The following HIPK2 variants were observed in gnomAD, a reference collection of about 807,000 sequenced individuals.
HIPK2 encodes homeodomain interacting protein kinase 2, also known as homeodomain-interacting protein kinase 2.
Under a neutral mutation model 113.7 loss-of-function variants are expected in HIPK2, and 27 were observed. The observed-to-expected ratio is 0.24, with a 90% confidence interval of 0.17 to 0.33. HIPK2 has a LOEUF of 0.33. HIPK2 is among the 10% of genes least tolerant of loss of function. The probability of loss-of-function intolerance (pLI) is 1.00; values close to 1 mark genes in which losing one functional copy is unlikely to be tolerated. For missense variants in HIPK2, 1,257 were observed against 1,588.0 expected (o/e 0.79, Z 3.54); for synonymous variants, 631 against 642.2 (o/e 0.98, Z 0.26).
chr7:139,619,891 G>T (rs1800177166), intron 7 of HIPK2, among the ~76,000 whole-genome samples: 1 of 152,118 alleles, frequency 6.6e-6, no homozygotes, highest in East Asian at 1.9e-4. Context: ...CTCCTGAGTA[G>T]CTGAGACTAT....
rs1232884782 is a variant in HIPK2 at position 139,564,641 on chromosome 7, G to C, written c.*8286C>G. 1 of 152,224 alleles carries C rather than the reference G, an allele frequency of 6.6e-6. No individual in the cohort carries two copies. Among genetic ancestry groups the C allele is most frequent in the East Asian group, 1.9e-4 (1 of 5,198 alleles). 9.4% of individuals were successfully genotyped at this position (152,224 alleles called of 1,614,324 possible). On this transcript the variant is annotated 3_prime_UTR_variant, in exon 15 of 15. Transcript: ENST00000406875. The stretch of plus-strand genomic sequence containing the variant: ...AGTGCGCATGCTGGACTACAGAAGA[G>C]TCTGGGACAACACACTTGCCTTGGG...
intron 2 of HIPK2, among the ~76,000 whole-genome samples, chr7:139,650,232 C>T (rs60232122): frequency 1.1e-4 from 16 of 151,190 alleles, no homozygotes; most frequent in Non-Finnish European, 1.8e-4. Context: ...AACCTGTAAT[C>T]TCAGCTACTT....
chr7:139,583,734 A>G, intron 13 of HIPK2, 83 bp downstream of exon 13: 5 of 1,548,808 alleles, frequency 3.2e-6, no homozygotes, highest in Non-Finnish European at 4.4e-6. Context: ...ACTAGCTCCC[A>G]TACAGCAACA....
chr7:139,605,672 G>C (rs1460993974), intron 9 of HIPK2, among the ~76,000 whole-genome samples: 1 of 152,150 alleles, frequency 6.6e-6, no homozygotes, highest in Non-Finnish European at 1.5e-5. Flanking sequence ...TTGCACCTGA[G>C]GCCCAGTGCA....
chr7:139,732,805 CATA>C (rs1317157005), intron 1 of HIPK2, among the ~76,000 whole-genome samples: 1 of 134,636 alleles, frequency 7.4e-6, no homozygotes, highest in Non-Finnish European at 1.5e-5. Context: ...ATATATATAA[CATA>C]TTATATATAT....
Position 139,570,602 on chromosome 7 carries a change from TG to T in HIPK2, c.*2324del. On this transcript the variant is annotated 3_prime_UTR_variant, in exon 15 of 15. Coordinates refer to ENST00000406875, the MANE Select transcript of HIPK2 (RefSeq NM_022740.5). ...TATAAGTAAGAATTTATGGTTGGGG[TG>T]GGGAAGTTTCCAGAGTTATTTCACA... The T allele has an allele frequency of 6.6e-6, 1 of 152,316 alleles. No homozygotes were observed. Among genetic ancestry groups the T allele is most frequent in the Non-Finnish European group, 1.5e-5 (1 of 68,070 alleles). The allele number at this position is 152,316 out of a possible 1,614,324, so 9.4% of individuals were successfully genotyped here.
At chr7:139,618,930 G>C (rs6969652) in intron 7 of HIPK2, among the ~76,000 whole-genome samples, 26,678 of 152,140 alleles carry the variant, frequency 0.18, 3,299 homozygotes, top group African/African-American at 0.36. Flanking sequence ...ACAAAACCAT[G>C]CTGATTTTTG....
At chr7:139,585,480 C>T (rs1798803693) in intron 12 of HIPK2, among the ~76,000 whole-genome samples, 1 of 152,258 alleles carries the variant, frequency 6.6e-6, no homozygotes, top group Admixed American at 6.5e-5. Context: ...ACTGTCCTCT[C>T]TGGTTCAGGG....
At chr7:139,730,880 G>A (rs1462627160) in intron 1 of HIPK2, among the ~76,000 whole-genome samples, 1 of 152,084 alleles carries the variant, frequency 6.6e-6, no homozygotes, top group East Asian at 1.9e-4. Flanking sequence ...CACAGAGTGC[G>A]GGCCACACAT....
In HIPK2 at chr7:139,563,061, G is replaced by A. The variant is rs1490459666; in HGVS notation, c.*9866C>T. ...TTGAAGTGAGCAGGAACACAAAAGG[G>A]AGGAGAGCAGAAACGGGGGACCGAC... On this transcript the variant is annotated 3_prime_UTR_variant, in exon 15 of 15. Transcript: ENST00000406875. 6.6e-6 allele frequency: 1 copy of A among 151,372 alleles called. No homozygotes were observed. Among genetic ancestry groups the A allele is most frequent in the African/African-American group, 2.4e-5 (1 of 41,210 alleles). 9.4% of individuals were successfully genotyped at this position (151,372 alleles called of 1,614,324 possible). A position where few individuals can be genotyped will look rare whatever the true frequency, so the allele number is the denominator to read the frequency against.
intron 1 of HIPK2, among the ~76,000 whole-genome samples, chr7:139,769,285 T>C (rs1172025762): frequency 6.7e-6 from 1 of 150,180 alleles, no homozygotes; most frequent in Non-Finnish European, 1.5e-5. Context: ...CCTCCCAGCA[T>C]GGCCCACCTC....
intron 1 of HIPK2, among the ~76,000 whole-genome samples, chr7:139,761,099 T>C (rs978181110): frequency 1.3e-5 from 2 of 152,210 alleles, no homozygotes; most frequent in Admixed American, 6.5e-5. Context: ...AACTCCTTAC[T>C]GTGAAAGTTA....
rs532421318 is a variant in HIPK2, at chr7:139,613,081, C to T, written c.2112+121G>A. On this transcript the variant is annotated intron_variant, in intron 9 of 14. Transcript: ENST00000406875. The surrounding 1 kb of genome is among the most constrained non-coding windows in gnomAD (Gnocchi z 4.2). Reference sequence around the variant, plus strand: ...CCATTTAGAATATTACAGATACATTCCAATGACTAGAAGCACCTAACTCAT... The same window carrying T: ...CCATTTAGAATATTACAGATACATTTCAATGACTAGAAGCACCTAACTCAT... The T allele has an allele frequency of 1.3e-3, 1,565 of 1,183,840 alleles. 4 individuals are homozygous for T. Among genetic ancestry groups the T allele is most frequent in the South Asian group, 4.3e-3 (281 of 65,390 alleles). The allele number at this position is 1,183,840 out of a possible 1,614,324, so 73.3% of individuals were successfully genotyped here.
At chr7:139,736,630 C>T (rs368726506) in intron 1 of HIPK2, among the ~76,000 whole-genome samples, 22 of 152,196 alleles carry the variant, frequency 1.4e-4, no homozygotes, top group African/African-American at 5.1e-4. Flanking sequence ...GGCCAATACC[C>T]TTTGTTGAAG....
rs550474454 is a variant in HIPK2 at position 139,688,807 on chromosome 7, C to T, written c.1103+27125G>A. On this transcript the variant is annotated intron_variant, in intron 2 of 14. Transcript: ENST00000406875. ...AGCAAAACTTAAAAATACTAATGTT[C>T]ATTATAAGACGGATTCTGCCTGCAT... 3.3e-5 allele frequency among the ~76,000 whole-genome samples: 5 copies of T among 152,154 alleles called. No individual in the cohort carries two copies. In the South Asian group the frequency reaches 1.0e-3, roughly 32 times the overall value.
At chr7:139,577,386 G>T (rs528648221) in intron 13 of HIPK2, among the ~76,000 whole-genome samples, 1 of 151,996 alleles carries the variant, frequency 6.6e-6, no homozygotes. Context: ...CCTGACCTCA[G>T]GTGATCCACC....
intron 1 of HIPK2, among the ~76,000 whole-genome samples, chr7:139,754,407 G>C (rs140145470): frequency 1.3e-5 from 2 of 152,134 alleles, no homozygotes; most frequent in South Asian, 2.1e-4. Flanking sequence ...ACCTAGAAAC[G>C]CATGCTTCAG....
intron 2 of HIPK2, among the ~76,000 whole-genome samples, chr7:139,637,626 T>G (rs1800855779): frequency 6.6e-6 from 1 of 152,208 alleles, no homozygotes. Context: ...CACAGCACTT[T>G]CTTAACCTGC....
At chr7:139,717,657 G>A (rs1795287755) in intron 1 of HIPK2, among the ~76,000 whole-genome samples, 1 of 152,114 alleles carries the variant, frequency 6.6e-6, no homozygotes, top group African/African-American at 2.4e-5. Flanking sequence ...CACAATTCAT[G>A]GCTCCATTCA....
Sources: allele counts gnomAD v4.1 joint callset (sites outside exome capture counted in the v4.1 genomes callset), GRCh38; gene constraint gnomAD v4.1.1; non-coding constraint Gnocchi (gnomAD v3.1); transcripts MANE v1.5; gene names NCBI Gene and HGNC (gene_info 2026-07-23, HGNC 2026-07-21).